The following PSEN2 variants were observed in gnomAD, a reference collection of about 807,000 sequenced individuals.
PSEN2 encodes the protein presenilin 2.
PSEN2 carries 32 observed loss-of-function variants against 49.1 expected under a neutral mutation model. That is an observed-to-expected ratio of 0.65 (90% CI 0.49 to 0.88). The LOEUF is 0.88. PSEN2 is among the 40% of genes least tolerant of loss of function. The pLI is 0.00. For synonymous variants in PSEN2, 255 were observed against 244.0 expected, an observed-to-expected ratio of 1.05 and a Z score of -0.42; for missense variants, 522 against 586.9, an observed-to-expected ratio of 0.89 and a Z score of 1.14.
intron 6 of PSEN2, among the ~76,000 whole-genome samples, chr1:226,886,681 C>T (rs971338881): frequency 6.6e-6 from 1 of 152,220 alleles, no homozygotes; most frequent in African/African-American, 2.4e-5. Flanking sequence ...GTGCAGAGTG[C>T]CCAGGCTAGA....
At chr1:226,890,380 C>T (rs903813768) in intron 9 of PSEN2, among the ~76,000 whole-genome samples, 9 of 152,234 alleles carry the variant, frequency 5.9e-5, no homozygotes, top group African/African-American at 1.9e-4. Flanking sequence ...CATCCTCCAG[C>T]GGCATGCTGC....
chr1:226,870,758 C>T (rs1207441732), intron 1 of PSEN2, 109 bp downstream of exon 1: 1 of 152,380 alleles, frequency 6.6e-6, no homozygotes, highest in African/African-American at 2.4e-5. Context: ...CTCCGCACGC[C>T]TCTGGCCACG....
intron 6 of PSEN2, among the ~76,000 whole-genome samples, chr1:226,887,655 A>G (rs569192494): frequency 7.2e-5 from 11 of 152,184 alleles, no homozygotes; most frequent in African/African-American, 2.7e-4. Context: ...TATTTTCTCC[A>G]TGGCCCTCAT....
intron 11 of PSEN2, among the ~76,000 whole-genome samples, chr1:226,892,130 A>G (rs1213622796): frequency 2.0e-5 from 3 of 152,092 alleles, no homozygotes; most frequent in Non-Finnish European, 4.4e-5. Context: ...GGCAGTAATC[A>G]CATAGACTGA....
At chr1:226,885,909 G>T (rs903368035) in intron 6 of PSEN2, among the ~76,000 whole-genome samples, 2 of 147,708 alleles carry the variant, frequency 1.4e-5, no homozygotes, top group African/African-American at 4.9e-5. Context: ...TCACTCCATT[G>T]CCCAGGCTGG....
chr1:226,890,239 C>T, intron 9 of PSEN2, 106 bp downstream of exon 9: 1 of 907,716 alleles, frequency 1.1e-6, no homozygotes, highest in Non-Finnish European at 1.8e-6. Context: ...ACTGGGCGAT[C>T]CCAGGAGGGT....
At chr1:226,871,949 G>A (rs939040936) in intron 2 of PSEN2, among the ~76,000 whole-genome samples, 22 of 152,396 alleles carry the variant, frequency 1.4e-4, no homozygotes, top group African/African-American at 5.3e-4. Flanking sequence ...AGACTGGAGT[G>A]AGGGCTTGGG....
chr1:226,899,215 T>G (rs1219606097), downstream of PSEN2: 2 of 152,238 alleles, frequency 1.3e-5, no homozygotes, highest in Non-Finnish European at 2.9e-5. Context: ...CTCAAGGTTT[T>G]CTAAATTTTT....
At chr1:226,879,112 T>A (rs1425188992) in intron 3 of PSEN2, among the ~76,000 whole-genome samples, 1 of 152,214 alleles carries the variant, frequency 6.6e-6, no homozygotes, top group African/African-American at 2.4e-5. Context: ...GCTCAAGCGA[T>A]CTGTCTGCCT....
intron 11 of PSEN2, among the ~76,000 whole-genome samples, chr1:226,892,090 C>T (rs545835072): frequency 7.9e-5 from 12 of 152,250 alleles, no homozygotes; most frequent in African/African-American, 2.2e-4. Context: ...AGGCCCAGCC[C>T]TGGTGGGACC....
At chr1:226,880,871 C>T in intron 3 of PSEN2, 2 of 1,386,946 alleles carry the variant, frequency 1.4e-6, no homozygotes, top group Non-Finnish European at 2.0e-6. Context: ...CGTCTGCTCT[C>T]ATGGCTTAGG....
chr1:226,882,911 ACT>A (rs1264363990), intron 4 of PSEN2, among the ~76,000 whole-genome samples: 1 of 151,486 alleles, frequency 6.6e-6, no homozygotes, highest in African/African-American at 2.4e-5. Context: ...CTAGATTGGG[ACT>A]CTCTCTGCAG....
chr1:226,881,874 G>A lies in PSEN2; in HGVS notation c.-20-14G>A, dbSNP rs1661015556. 6.2e-7 allele frequency: 1 copy of A among 1,614,118 alleles called. No individual in the cohort carries two copies. The highest frequency in any genetic ancestry group is 8.5e-7 in the Non-Finnish European group (1 of 1,180,050). ...CAGGAAAGTGGAACAAGGTCCTTGT[G>A]CTCCTTTTTCCAGGTGCTTCCAGAG... On this transcript the variant is annotated splice_polypyrimidine_tract_variant and intron_variant, in intron 3 of 12. Coordinates refer to ENST00000366783, the MANE Select transcript of PSEN2 (RefSeq NM_000447.3).
chr1:226,898,497 A>G (rs1338467986), downstream of PSEN2: 1 of 152,222 alleles, frequency 6.6e-6, no homozygotes, highest in Non-Finnish European at 1.5e-5. Flanking sequence ...CCCCAACTCT[A>G]TAATACTTGG....
intron 4 of PSEN2, 147 bp downstream of exon 4, chr1:226,882,195 T>C (rs547635369): frequency 1.1e-4 from 126 of 1,150,824 alleles, no homozygotes; most frequent in Non-Finnish European, 1.5e-4. Flanking sequence ...TGGCTGGCCA[T>C]GATGGACCTT....
rs1660876775 is a variant in PSEN2 at position 226,880,019 on chromosome 1, G to A, written c.-20-1869G>A. 2.0e-5 allele frequency among the ~76,000 whole-genome samples: 3 copies of A among 152,218 alleles called. No homozygotes were observed. In the South Asian group the frequency reaches 6.2e-4, roughly 31 times the overall value. ...GTCTTCAGAAAGAAGGGCAGCCACA[G>A]GTCTTGTTAAGGGGATTGAAATTGG... On this transcript the variant is annotated intron_variant, in intron 3 of 12. Coordinates refer to ENST00000366783, the MANE Select transcript of PSEN2 (RefSeq NM_000447.3).
downstream of PSEN2, among the ~76,000 whole-genome samples, chr1:226,900,549 C>G (rs1445565835): frequency 1.3e-5 from 2 of 152,172 alleles, no homozygotes; most frequent in Non-Finnish European, 2.9e-5. Flanking sequence ...GTCCTGTAAC[C>G]ACTGCCTTTC....
intron 9 of PSEN2, among the ~76,000 whole-genome samples, chr1:226,890,380 C>A (rs903813768): frequency 2.0e-5 from 3 of 152,234 alleles, no homozygotes; most frequent in Non-Finnish European, 4.4e-5. Flanking sequence ...CATCCTCCAG[C>A]GGCATGCTGC....
chr1:226,872,245 CCTTT>C (rs1253113383), intron 2 of PSEN2, among the ~76,000 whole-genome samples: 1 of 152,176 alleles, frequency 6.6e-6, no homozygotes, highest in Non-Finnish European at 1.5e-5. Context: ...CCTACTTTGG[CCTTT>C]CTCTGTTATC....
Sources: allele counts gnomAD v4.1 joint callset (sites outside exome capture counted in the v4.1 genomes callset), GRCh38; gene constraint gnomAD v4.1.1; transcripts MANE v1.5; gene names NCBI Gene and HGNC (gene_info 2026-07-23, HGNC 2026-07-21).